Variants in YTHDF2 observed in about 807,000 individuals in gnomAD.
YTHDF2 encodes YTH N6-methyladenosine RNA binding protein F2, also known as YTH domain-containing family protein 2.
In YTHDF2, 2 loss-of-function variants were observed where a neutral mutation model predicts 50.4. The ratio of observed to expected loss-of-function variants is 0.04; its 90% CI spans 0.02 to 0.12. The LOEUF is 0.12. Ranked by LOEUF, YTHDF2 falls within the 10% of genes least tolerant of loss-of-function variation. The pLI is 1.00. For missense variants in YTHDF2, 483 were observed against 722.6 expected (o/e 0.67, Z 3.80); for synonymous variants, 217 against 255.6 (o/e 0.85, Z 1.44).
chr1:28,749,669 A>G (rs570389962), intron 4 of YTHDF2, among the ~76,000 whole-genome samples: 38 of 152,292 alleles, frequency 2.5e-4, no homozygotes, highest in Admixed American at 2.1e-3. Context: ...TCAAGTAGAG[A>G]GGACAAAGGA....
intron 1 of YTHDF2, 95 bp from the exon 2 acceptor site, chr1:28,737,563 T>G (rs2087713338): frequency 6.4e-7 from 1 of 1,570,574 alleles, no homozygotes; most frequent in Non-Finnish European, 8.7e-7. Context: ...GGCCTGCTCC[T>G]TTATTCTCCC....
At chr1:28,736,665 C>G (rs1318000), upstream of YTHDF2, 1 of 166,286 alleles carries the variant, frequency 6.0e-6, no homozygotes, top group Non-Finnish European at 1.3e-5. Flanking sequence ...CGACCCTGGT[C>G]GTCCCAAACC....
rs60729215 is a variant in YTHDF2 at position 28,749,179 on chromosome 1, C to CTTTTTTTTT, written c.1716+5208_1716+5216dup. Among the ~76,000 whole-genome samples, 7 of 107,428 alleles carry CTTTTTTTTT rather than the reference C, an allele frequency of 6.5e-5. 1 individual carries two copies. The highest frequency in any genetic ancestry group is 2.2e-4 in the African/African-American group (6 of 26,842). 70.5% of individuals were successfully genotyped at this position (107,428 alleles called of 152,430 possible). On this transcript the variant is annotated intron_variant, in intron 4 of 4. Coordinates refer to ENST00000373812, the MANE Select transcript of YTHDF2 (RefSeq NM_016258.3). ...AACAGTTAAGAGCCTTTCTTTCTTC[C>CTTTTTTTTT]TTTTTTTTTTTTTTTTTTTTTTTGA...
At chr1:28,738,759 C>G (rs1479055619) in intron 3 of YTHDF2, among the ~76,000 whole-genome samples, 1 of 152,122 alleles carries the variant, frequency 6.6e-6, no homozygotes, top group Non-Finnish European at 1.5e-5. Flanking sequence ...TTTCTTAATA[C>G]CTGTATTTTT....
At chr1:28,749,293 G>T (rs1012739733) in intron 4 of YTHDF2, among the ~76,000 whole-genome samples, 1 of 148,436 alleles carries the variant, frequency 6.7e-6, no homozygotes. Context: ...CCGGGTTCAC[G>T]CCATTCTCCT....
At chr1:28,739,421 C>T (rs571461310) in intron 3 of YTHDF2, among the ~76,000 whole-genome samples, 1 of 151,754 alleles carries the variant, frequency 6.6e-6, no homozygotes, top group African/African-American at 2.4e-5. Context: ...TGATTTTGCC[C>T]GCCTCAGCCT....
At chr1:28,737,234 G>A in intron 1 of YTHDF2, 87 bp downstream of exon 1, 1 of 1,452,674 alleles carries the variant, frequency 6.9e-7, no homozygotes, top group Admixed American at 2.5e-5. Context: ...TGGGCAGGCC[G>A]AGCCGAGCCG....
At chr1:28,740,082 A>G (rs1263257974) in intron 3 of YTHDF2, among the ~76,000 whole-genome samples, 1 of 152,248 alleles carries the variant, frequency 6.6e-6, no homozygotes, top group African/African-American at 2.4e-5. Flanking sequence ...CAACACTGAA[A>G]GTATAGAAAC....
chr1:28,763,126 C>T (rs918435762), intron 4 of YTHDF2, among the ~76,000 whole-genome samples: 3 of 152,156 alleles, frequency 2.0e-5, no homozygotes, highest in Admixed American at 6.5e-5. Flanking sequence ...TGCACCCAGC[C>T]GAGTTTTCTA....
At chr1:28,760,217 AAAT>A (rs1192176989) in intron 4 of YTHDF2, among the ~76,000 whole-genome samples, 1 of 152,136 alleles carries the variant, frequency 6.6e-6, no homozygotes, top group East Asian at 1.9e-4. Context: ...GTACATTCTA[AAAT>A]AATGATTAAA....
intron 4 of YTHDF2, among the ~76,000 whole-genome samples, chr1:28,747,364 G>A (rs1370223457): frequency 6.6e-6 from 1 of 151,698 alleles, no homozygotes; most frequent in African/African-American, 2.4e-5. Flanking sequence ...GATGTCAGGA[G>A]TTCGAGACCA....
At chr1:28,761,492 A>C (rs2088129737) in intron 4 of YTHDF2, among the ~76,000 whole-genome samples, 1 of 152,124 alleles carries the variant, frequency 6.6e-6, no homozygotes, top group Non-Finnish European at 1.5e-5. Flanking sequence ...ATCCCAGCAC[A>C]TAACGGAGGC....
At chr1:28,745,150 A>G (rs984395789) in intron 4 of YTHDF2, among the ~76,000 whole-genome samples, 4 of 152,192 alleles carry the variant, frequency 2.6e-5, no homozygotes, top group African/African-American at 9.6e-5. Flanking sequence ...TACGTGATCT[A>G]GGATCTGAGG....
At chr1:28,746,510 C>T (rs1275639748) in intron 4 of YTHDF2, among the ~76,000 whole-genome samples, 5 of 150,810 alleles carry the variant, frequency 3.3e-5, no homozygotes, top group African/African-American at 7.3e-5. Flanking sequence ...TAGGCAGAGG[C>T]GGGCCGATCA....
chr1:28,759,734 T>C (rs1239540574), intron 4 of YTHDF2, among the ~76,000 whole-genome samples: 2 of 152,106 alleles, frequency 1.3e-5, no homozygotes, highest in Non-Finnish European at 2.9e-5. Context: ...GGCGGGTGGA[T>C]TACGTGAGGC....
rs760521742 is a variant in YTHDF2, at chr1:28,743,505, T to C, written c.1235T>C (p.Val412Ala). ...DFDWNLKHGRVFIIKSYSEDD... is the reference protein window; with the variant it reads ...DFDWNLKHGRAFIIKSYSEDD... ...GACTGGAATCTGAAACATGGCCGGGTTTTCATCATTAAGAGCTACTCTGAG... is the reference window on the plus strand; with the variant it reads ...GACTGGAATCTGAAACATGGCCGGGCTTTCATCATTAAGAGCTACTCTGAG... Residue 412 changes from valine to alanine, a missense_variant, in exon 4 of 5, where the codon GTT becomes GCT. Val to Ala is a moderately conservative substitution (Grantham distance 64). This residue lies in a region of YTHDF2 where 59 missense variants were observed against 168.9 expected (regional missense o/e 0.35). Coordinates refer to ENST00000373812, the MANE Select transcript of YTHDF2 (RefSeq NM_016258.3). The surrounding 1 kb of genome is among the most constrained non-coding windows in gnomAD (Gnocchi z 6.9). 6.2e-7 allele frequency: 1 copy of C among 1,613,734 alleles called. No individual in the cohort carries two copies. The highest frequency in any genetic ancestry group is 1.1e-5 in the South Asian group (1 of 91,026).
At position 28,769,215 on chromosome 1, in the gene YTHDF2, T is replaced by C. The variant is rs2088268294; in HGVS notation, c.*263T>C. ...GTCCCTTTTATTTTGGCTTTGGTTG[T>C]GATTTCAGAGCATAATGCTATGTTT... On this transcript the variant is annotated 3_prime_UTR_variant, in exon 5 of 5. Transcript: ENST00000373812. 3.2e-6 allele frequency: 1 copy of C among 309,374 alleles called. No homozygotes were observed. The highest frequency in any genetic ancestry group is 5.9e-6 in the Non-Finnish European group (1 of 168,296). 19.2% of individuals were successfully genotyped at this position (309,374 alleles called of 1,614,324 possible).
chr1:28,756,361 A>G (rs1019738300), intron 4 of YTHDF2, among the ~76,000 whole-genome samples: 1 of 152,198 alleles, frequency 6.6e-6, no homozygotes, highest in Non-Finnish European at 1.5e-5. Context: ...ATCGTTTAGT[A>G]TATCTTGAAT....
At chr1:28,755,547 T>A (rs1219103088) in intron 4 of YTHDF2, among the ~76,000 whole-genome samples, 1 of 152,128 alleles carries the variant, frequency 6.6e-6, no homozygotes, top group Non-Finnish European at 1.5e-5. Flanking sequence ...AAAGTAAAGC[T>A]GGTGTTCTAA....
Sources: allele counts gnomAD v4.1 joint callset (sites outside exome capture counted in the v4.1 genomes callset), GRCh38; gene constraint gnomAD v4.1.1; regional missense constraint gnomAD v4.1.1; non-coding constraint Gnocchi (gnomAD v3.1); transcripts MANE v1.5; gene names NCBI Gene and HGNC (gene_info 2026-07-23, HGNC 2026-07-21).